The following EVI5 variants were observed in gnomAD, a reference collection of about 807,000 sequenced individuals.
EVI5 encodes the protein ecotropic viral integration site 5 protein homolog.
Under a neutral mutation model 112.0 loss-of-function variants are expected in EVI5, and 73 were observed. The ratio of observed to expected loss-of-function variants is 0.65; its 90% CI spans 0.54 to 0.79. EVI5 has a LOEUF of 0.79. Ranked by LOEUF, EVI5 falls within the 30% of genes least tolerant of loss-of-function variation. EVI5 has a pLI of 0.00. For missense variants in EVI5, 900 were observed against 968.8 expected, an observed-to-expected ratio of 0.93 and a Z score of 0.94; for synonymous variants, 305 against 319.9, an observed-to-expected ratio of 0.95 and a Z score of 0.50.
chr1:92,728,527 A>T lies in EVI5; in HGVS notation c.149+7871T>A, dbSNP rs545178621. 2.6e-5 allele frequency among the ~76,000 whole-genome samples: 4 copies of T among 152,228 alleles called. No individual in the cohort carries two copies. In the East Asian group the frequency reaches 5.8e-4, roughly 22 times the overall value. ...CTCACCCTCTGGAGTAGCTGGGATT[A>T]CAGGCACCCGCCACCATGCCCAGCT... is the stretch of plus-strand genomic sequence containing the variant. On this transcript the variant is annotated intron_variant, in intron 2 of 19. Transcript: ENST00000684568.
At chr1:92,565,835 T>C (rs1462889217) in intron 18 of EVI5, among the ~76,000 whole-genome samples, 1 of 149,440 alleles carries the variant, frequency 6.7e-6, no homozygotes, top group Non-Finnish European at 1.5e-5. Flanking sequence ...CCGGGTGTGG[T>C]AGTGTGTGCC....
intron 2 of EVI5, among the ~76,000 whole-genome samples, chr1:92,728,693 T>C (rs962371223): frequency 7.2e-5 from 11 of 152,186 alleles, no homozygotes; most frequent in Admixed American, 1.3e-4. Context: ...CAGCGAATCA[T>C]GGTTTCAATT....
At chr1:92,638,004 A>G (rs1659228903) in intron 13 of EVI5, among the ~76,000 whole-genome samples, 1 of 152,200 alleles carries the variant, frequency 6.6e-6, no homozygotes, top group Non-Finnish European at 1.5e-5. Context: ...ATTCTTTTGG[A>G]ATGACCACAT....
intron 19 of EVI5, among the ~76,000 whole-genome samples, chr1:92,561,616 T>TC (rs879630353): frequency 0.034 from 2,770 of 80,884 alleles, 46 homozygotes; most frequent in Non-Finnish European, 0.038. Flanking sequence ...ATCCTATCTA[T>TC]CTATCTATCT....
At chr1:92,782,854 CTGCCGCTCAGGCTGGAGTGCAGTGGCA>C (rs1396723665) in intron 1 of EVI5, among the ~76,000 whole-genome samples, 1 of 152,138 alleles carries the variant, frequency 6.6e-6, no homozygotes, top group Non-Finnish European at 1.5e-5. Flanking sequence ...CGGTCTCACT[CTGCCGCTCAGGCTGGAGTGCAGTGGCA>C]TGATCAAGGC....
chr1:92,568,621 A>G (rs1669857213), intron 18 of EVI5, among the ~76,000 whole-genome samples: 2 of 152,048 alleles, frequency 1.3e-5, no homozygotes, highest in South Asian at 4.2e-4. Context: ...TTGACCCATA[A>G]CATGGCTTTG....
At chr1:92,780,301 T>C (rs1684698771) in intron 1 of EVI5, among the ~76,000 whole-genome samples, 1 of 152,220 alleles carries the variant, frequency 6.6e-6, no homozygotes, top group Non-Finnish European at 1.5e-5. Flanking sequence ...TTACCCCGTC[T>C]TGGGTATTCT....
intron 1 of EVI5, chr1:92,774,089 T>C (rs913089412): frequency 6.6e-6 from 1 of 152,070 alleles, no homozygotes; most frequent in African/African-American, 2.4e-5. Context: ...CCATTTAATA[T>C]TTTCAGACTG....
chr1:92,543,433 A>G lies in EVI5; in HGVS notation c.2166+20209T>C, dbSNP rs141793244. 6.9e-4 allele frequency among the ~76,000 whole-genome samples: 105 copies of G among 152,342 alleles called. 1 individual carries two copies. Among genetic ancestry groups the G allele is most frequent in the South Asian group, 4.1e-3 (20 of 4,826 alleles). On this transcript the variant is annotated intron_variant, in intron 19 of 19. Coordinates refer to ENST00000684568, the MANE Select transcript of EVI5 (RefSeq NM_001350197.2). Reference sequence around the variant, plus strand: ...CTGGATTAGGCTTTGGCTTAAGAGAATGTTGTGGCTGGCTTGATCTTCTAT... The same window carrying G: ...CTGGATTAGGCTTTGGCTTAAGAGAGTGTTGTGGCTGGCTTGATCTTCTAT...
intron 9 of EVI5, among the ~76,000 whole-genome samples, chr1:92,685,931 A>G (rs1319388592): frequency 6.6e-6 from 1 of 152,202 alleles, no homozygotes; most frequent in Non-Finnish European, 1.5e-5. Context: ...AAAAAAGTCC[A>G]GGACCTGATG....
intron 1 of EVI5, among the ~76,000 whole-genome samples, chr1:92,760,732 C>CAA (rs77787837): frequency 1.2e-4 from 6 of 50,758 alleles, no homozygotes; most frequent in South Asian, 6.7e-4. Flanking sequence ...GACTCTGTCT[C>CAA]AAAAAAAAAA....
intron 19 of EVI5, among the ~76,000 whole-genome samples, chr1:92,526,047 C>T (rs1346131541): frequency 7.6e-6 from 1 of 131,864 alleles, no homozygotes; most frequent in Admixed American, 8.2e-5. Flanking sequence ...ACAATGGAAT[C>T]TGTACCTATT....
chr1:92,651,830 G>A (rs1216619785), intron 13 of EVI5, among the ~76,000 whole-genome samples: 42 of 136,082 alleles, frequency 3.1e-4, no homozygotes, highest in African/African-American at 9.4e-4. Flanking sequence ...CAGCCTGGGC[G>A]ACAGAGCGAG....
intron 19 of EVI5, among the ~76,000 whole-genome samples, chr1:92,548,338 G>A (rs563475976): frequency 7.2e-5 from 11 of 152,316 alleles, no homozygotes; most frequent in African/African-American, 2.6e-4. Context: ...GGTATTGATT[G>A]GACGTATCTC....
At chr1:92,687,547 A>C (rs558448650) in intron 9 of EVI5, among the ~76,000 whole-genome samples, 2 of 152,298 alleles carry the variant, frequency 1.3e-5, no homozygotes, top group South Asian at 4.1e-4. Context: ...AATGGGATCT[A>C]ATTAAACTAA....
chr1:92,534,789 C>G (rs1401555291), intron 19 of EVI5, among the ~76,000 whole-genome samples: 1 of 152,188 alleles, frequency 6.6e-6, no homozygotes, highest in African/African-American at 2.4e-5. Flanking sequence ...GGATTAAAGA[C>G]TTAAACGTAA....
chr1:92,706,549 C>T lies in EVI5; in HGVS notation c.150-1805G>A, dbSNP rs189639908. 5.3e-5 allele frequency among the ~76,000 whole-genome samples: 8 copies of T among 152,202 alleles called. No individual in the cohort carries two copies. The East Asian group carries it at 1.5e-3, about 29-fold the overall frequency. Reference sequence around the variant, plus strand: ...GGTTTTCCTAAGTTAAACCTAAGTTCGAGGTGTAATCCAAGTATAGATGAA... The same window carrying T: ...GGTTTTCCTAAGTTAAACCTAAGTTTGAGGTGTAATCCAAGTATAGATGAA... On this transcript the variant is annotated intron_variant, in intron 2 of 19. Transcript: ENST00000684568.
At chr1:92,755,186 ATCACT>A (rs1322262153) in intron 1 of EVI5, among the ~76,000 whole-genome samples, 1 of 148,232 alleles carries the variant, frequency 6.7e-6, no homozygotes, top group Non-Finnish European at 1.5e-5. Flanking sequence ...AGGTGGGTGG[ATCACT>A]ACAGGTCAGG....
intron 1 of EVI5, among the ~76,000 whole-genome samples, chr1:92,772,378 C>CCT (rs2103048977): frequency 6.6e-6 from 1 of 151,514 alleles, no homozygotes; most frequent in East Asian, 2.0e-4. Flanking sequence ...GGGCTGATCA[C>CCT]GAGGTCAGGA....
Sources: gnomAD v4.1 joint callset for allele counts (sites outside exome capture counted in the v4.1 genomes callset) on GRCh38, gnomAD v4.1.1 for gene constraint, MANE v1.5 for transcripts, NCBI Gene and HGNC (gene_info 2026-07-23, HGNC 2026-07-21) for gene names.